SCFD2: variants seen among roughly 807,000 people sequenced by gnomAD.
The protein encoded by SCFD2 is sec1 family domain containing 2.
SCFD2 carries 54 observed loss-of-function variants against 58.9 expected under a neutral mutation model. The observed-to-expected ratio is 0.92, with a 90% CI of 0.74 to 1.15. The LOEUF is 1.15. Among genes scored for constraint, SCFD2 ranks in the 50% most tolerant of loss-of-function variants. The pLI is 0.00. For synonymous variants in SCFD2, 321 were observed against 335.9 expected, an observed-to-expected ratio of 0.96 and a Z score of 0.49; for missense variants, 805 against 836.6, an observed-to-expected ratio of 0.96 and a Z score of 0.47.
At chr4:53,203,418 T>C (rs895601689) in intron 4 of SCFD2, among the ~76,000 whole-genome samples, 9 of 151,998 alleles carry the variant, frequency 5.9e-5, no homozygotes, top group Non-Finnish European at 1.0e-4. Flanking sequence ...GATCTGTAAG[T>C]TGGATTTTCA....
intron 5 of SCFD2, among the ~76,000 whole-genome samples, chr4:53,007,504 G>A (rs1722005534): frequency 6.6e-6 from 1 of 152,102 alleles, no homozygotes; most frequent in South Asian, 2.1e-4. Context: ...AGGTAGCTTA[G>A]TACAGAGTTA....
intron 3 of SCFD2, among the ~76,000 whole-genome samples, chr4:53,297,190 C>T (rs1197151115): frequency 6.6e-6 from 1 of 152,120 alleles, no homozygotes; most frequent in Non-Finnish European, 1.5e-5. Context: ...TCCTAAATAT[C>T]CTTGTGAATT....
chr4:52,946,154 G>A (rs1350339798), intron 5 of SCFD2, among the ~76,000 whole-genome samples: 1 of 152,116 alleles, frequency 6.6e-6, no homozygotes, highest in Non-Finnish European at 1.5e-5. Flanking sequence ...TGAATCTCTT[G>A]GCATGGTACT....
At position 53,157,258 on chromosome 4, in the gene SCFD2, GGCT is replaced by G. The variant is rs1300045505; in HGVS notation, c.1312-11679_1312-11677del. Among the ~76,000 whole-genome samples, 1,242 of 152,278 alleles carry G rather than the reference GGCT, an allele frequency of 8.2e-3. 16 individuals are homozygous for G. Among genetic ancestry groups the G allele is most frequent in the African/African-American group, 0.028 (1,165 of 41,568 alleles). ...GCATGATGTAAGAAAATCAGGCATA[GGCT>G]AAAGATCCATCCAAAATACAAGGTA... On this transcript the variant is annotated intron_variant, in intron 4 of 8. Coordinates refer to ENST00000401642, the MANE Select transcript of SCFD2 (RefSeq NM_152540.4).
intron 4 of SCFD2, among the ~76,000 whole-genome samples, chr4:53,234,045 T>C (rs768969986): frequency 5.9e-5 from 9 of 152,172 alleles, no homozygotes; most frequent in Non-Finnish European, 1.3e-4. Flanking sequence ...GAAGCAATAC[T>C]AGAAAAGCAG....
chr4:52,989,951 TC>T (rs1721582135), intron 5 of SCFD2, among the ~76,000 whole-genome samples: 2 of 152,126 alleles, frequency 1.3e-5, no homozygotes, highest in African/African-American at 4.8e-5. Context: ...TCTCCTTCCC[TC>T]CCTCCCATCC....
chr4:53,070,838 T>A (rs377123553), intron 5 of SCFD2, among the ~76,000 whole-genome samples: 33 of 152,232 alleles, frequency 2.2e-4, no homozygotes, highest in African/African-American at 6.5e-4. Context: ...AAGTCATAGA[T>A]TCCTTTTCTC....
chr4:53,356,746 T>TC, intron 1 of SCFD2, among the ~76,000 whole-genome samples: 1 of 147,016 alleles, frequency 6.8e-6, no homozygotes, highest in East Asian at 2.0e-4. Flanking sequence ...TTTTTTTTTT[T>TC]TTTTTGTTGA....
chr4:53,097,535 A>G lies in SCFD2; in HGVS notation c.1561+47798T>C, dbSNP rs562381540. 1.2e-3 allele frequency among the ~76,000 whole-genome samples: 183 copies of G among 152,268 alleles called. 5 individuals are homozygous for G. In the South Asian group the frequency reaches 0.032, roughly 26 times the overall value. ...TCTTTTTGACTGTTATTGGTGTATA[A>G]GAATGCTTGTGATTTTTGCACATTG... On this transcript the variant is annotated intron_variant, in intron 5 of 8. Coordinates refer to ENST00000401642, the MANE Select transcript of SCFD2 (RefSeq NM_152540.4).
chr4:53,197,764 AAAAG>A (rs1324356825), intron 4 of SCFD2, among the ~76,000 whole-genome samples: 1 of 151,494 alleles, frequency 6.6e-6, no homozygotes, highest in Non-Finnish European at 1.5e-5. Context: ...AAAAAAAAAA[AAAAG>A]AAATGAATAT....
intron 5 of SCFD2, among the ~76,000 whole-genome samples, chr4:52,961,627 G>T (rs2109541222): frequency 6.6e-6 from 1 of 152,306 alleles, no homozygotes; most frequent in Non-Finnish European, 1.5e-5. Context: ...GCAGAGGATG[G>T]GAGGGGAGGC....
At chr4:53,202,940 G>T (rs1462551525) in intron 4 of SCFD2, among the ~76,000 whole-genome samples, 1 of 152,192 alleles carries the variant, frequency 6.6e-6, no homozygotes, top group Admixed American at 6.5e-5. Context: ...AGACAATGGG[G>T]TTATCTAGAT....
chr4:53,056,457 G>A (rs185657195), intron 5 of SCFD2, among the ~76,000 whole-genome samples: 1 of 152,220 alleles, frequency 6.6e-6, no homozygotes, highest in East Asian at 1.9e-4. Context: ...ACTCCTGGAA[G>A]TAAGGAAAGA....
intron 5 of SCFD2, among the ~76,000 whole-genome samples, chr4:52,921,387 G>A (rs900029980): frequency 3.3e-5 from 5 of 152,068 alleles, no homozygotes; most frequent in African/African-American, 1.2e-4. Context: ...AAACACAGGG[G>A]GACTTAACAA....
At chr4:52,879,188 ACACTCAAGAG>A (rs1718547393) in intron 8 of SCFD2, among the ~76,000 whole-genome samples, 1 of 152,218 alleles carries the variant, frequency 6.6e-6, no homozygotes, top group Non-Finnish European at 1.5e-5. Context: ...GGCATCCAGG[ACACTCAAGAG>A]CACCCCGCAG....
At chr4:53,071,701 TGTA>T (rs1269973913) in intron 5 of SCFD2, among the ~76,000 whole-genome samples, 1 of 152,034 alleles carries the variant, frequency 6.6e-6, no homozygotes, top group Non-Finnish European at 1.5e-5. Context: ...TTCCAATGAC[TGTA>T]GTACATGTAC....
chr4:53,216,132 CT>C (rs1728822701), intron 4 of SCFD2, among the ~76,000 whole-genome samples: 1 of 152,098 alleles, frequency 6.6e-6, no homozygotes. Flanking sequence ...CTCTGCCAGC[CT>C]TTGGTGTCAG....
intron 5 of SCFD2, among the ~76,000 whole-genome samples, chr4:53,014,376 C>T (rs1006155704): frequency 2.0e-5 from 3 of 152,220 alleles, no homozygotes; most frequent in Non-Finnish European, 4.4e-5. Flanking sequence ...TCACTGGCCA[C>T]ACCTAAAATC....
At chr4:53,073,343 T>A (rs2411290) in intron 5 of SCFD2, among the ~76,000 whole-genome samples, 2 of 151,992 alleles carry the variant, frequency 1.3e-5, no homozygotes, top group Middle Eastern at 6.8e-3. Flanking sequence ...GATGATTGTA[T>A]GTGTTATTTT....
Sources: allele counts gnomAD v4.1 joint callset (sites outside exome capture counted in the v4.1 genomes callset), GRCh38; gene constraint gnomAD v4.1.1; transcripts MANE v1.5; gene names NCBI Gene and HGNC (gene_info 2026-07-23, HGNC 2026-07-21).